HS6ST3: variants seen among roughly 807,000 people sequenced by gnomAD.
HS6ST3 encodes heparan sulfate 6-O-sulfotransferase 3, also known as heparan-sulfate 6-O-sulfotransferase 3.
In HS6ST3, 12 loss-of-function variants were observed where a neutral mutation model predicts 36.7. That is an observed-to-expected ratio of 0.33 (90% confidence interval 0.21 to 0.53). HS6ST3 has a LOEUF of 0.53. Ranked by LOEUF, HS6ST3 falls within the 20% of genes least tolerant of loss-of-function variation. HS6ST3 has a pLI of 0.95. For synonymous variants in HS6ST3, 240 were observed against 257.5 expected, an observed-to-expected ratio of 0.93 and a Z score of 0.65; for missense variants, 584 against 640.9, an observed-to-expected ratio of 0.91 and a Z score of 0.96.
Position 96,301,898 on chromosome 13 carries a change from TATAATAATA to T in HS6ST3, c.707+210368_707+210376del, listed in dbSNP as rs71113989. The stretch of plus-strand genomic sequence containing the variant: ...CCTGGAGACACAATGAGACTCCATC[TATAATAATA>T]ATAATAATAATAATAATAATAATAA... On this transcript the variant is annotated intron_variant, in intron 1 of 1. Coordinates refer to ENST00000376705, the MANE Select transcript of HS6ST3 (RefSeq NM_153456.4). Among the ~76,000 whole-genome samples the T allele has an allele frequency of 8.1e-3, 1,110 of 137,742 alleles. 4 individuals are homozygous for T. Among genetic ancestry groups the T allele is most frequent in the Middle Eastern group, 0.011 (3 of 272 alleles). The allele number at this position is 137,742 out of a possible 152,430, so 90.4% of individuals were successfully genotyped here.
intron 1 of HS6ST3, among the ~76,000 whole-genome samples, chr13:96,449,176 G>T (rs188040775): frequency 6.6e-6 from 1 of 152,146 alleles, no homozygotes; most frequent in East Asian, 1.9e-4. Context: ...TTCCCAGGCT[G>T]GTCTCAAACT....
chr13:96,360,185 G>T (rs1177040927), intron 1 of HS6ST3, among the ~76,000 whole-genome samples: 1 of 152,112 alleles, frequency 6.6e-6, no homozygotes, highest in Non-Finnish European at 1.5e-5. Context: ...TCCAACAGCA[G>T]CAGGGGACCT....
chr13:96,510,070 A>T (rs983189236), intron 1 of HS6ST3, among the ~76,000 whole-genome samples: 1 of 150,592 alleles, frequency 6.6e-6, no homozygotes, highest in African/African-American at 2.4e-5. Context: ...TCCTTAGTTA[A>T]GTATATTCCT....
At chr13:96,686,427 AATT>A (rs1332341544) in intron 1 of HS6ST3, among the ~76,000 whole-genome samples, 2 of 152,004 alleles carry the variant, frequency 1.3e-5, no homozygotes, top group Non-Finnish European at 2.9e-5. Context: ...AAGTGCCTTG[AATT>A]ATTATTTTCA....
chr13:96,151,492 A>G (rs2054084918), intron 1 of HS6ST3, among the ~76,000 whole-genome samples: 1 of 152,174 alleles, frequency 6.6e-6, no homozygotes, highest in African/African-American at 2.4e-5. Flanking sequence ...CATGAAGTCT[A>G]GATGGATATA....
chr13:96,408,928 AAAAAGAAAAG>A (rs376645436), intron 1 of HS6ST3, among the ~76,000 whole-genome samples: 8 of 152,258 alleles, frequency 5.3e-5, no homozygotes, highest in African/African-American at 1.4e-4. Flanking sequence ...CGTCTCAAAA[AAAAAGAAAAG>A]AAAAGAAAAG....
At chr13:96,391,180 T>C (rs1269172884) in intron 1 of HS6ST3, among the ~76,000 whole-genome samples, 1 of 152,200 alleles carries the variant, frequency 6.6e-6, no homozygotes, top group African/African-American at 2.4e-5. Context: ...GCTCGCTTGA[T>C]AGCATTGCAT....
intron 1 of HS6ST3, among the ~76,000 whole-genome samples, chr13:96,770,115 G>A (rs1387849955): frequency 6.6e-6 from 1 of 152,166 alleles, no homozygotes; most frequent in Non-Finnish European, 1.5e-5. Context: ...ATTAGGGACA[G>A]ATATTCTCAT....
intron 1 of HS6ST3, among the ~76,000 whole-genome samples, chr13:96,689,361 AT>A (rs1188901841): frequency 2.6e-5 from 4 of 151,960 alleles, no homozygotes; most frequent in African/African-American, 9.7e-5. Flanking sequence ...GGTCTTTTCT[AT>A]TTTCCATATC....
chr13:96,564,316 T>C lies in HS6ST3; in HGVS notation c.708-268174T>C, dbSNP rs186588397. ...ACATACTTGCAACTCTTTTGTCTTA[T>C]AAAATTACTTGACACTATTTTTTCC... On this transcript the variant is annotated intron_variant, in intron 1 of 1. Transcript: ENST00000376705. 2.0e-5 allele frequency among the ~76,000 whole-genome samples: 3 copies of C among 152,332 alleles called. No individual in the cohort carries two copies. In the East Asian group the frequency reaches 5.8e-4, roughly 29 times the overall value.
intron 1 of HS6ST3, among the ~76,000 whole-genome samples, chr13:96,442,381 GA>G (rs931496056): frequency 2.2e-4 from 33 of 150,554 alleles, no homozygotes; most frequent in Middle Eastern, 3.4e-3. Flanking sequence ...TTAACTAAGA[GA>G]AAAAAAAAGA....
At chr13:96,108,765 A>G (rs2053854219) in intron 1 of HS6ST3, among the ~76,000 whole-genome samples, 1 of 152,238 alleles carries the variant, frequency 6.6e-6, no homozygotes, top group African/African-American at 2.4e-5. Flanking sequence ...AATAAAAAAT[A>G]GGAAAGATAG....
At chr13:96,588,365 G>A (rs1253479335) in intron 1 of HS6ST3, among the ~76,000 whole-genome samples, 1 of 152,000 alleles carries the variant, frequency 6.6e-6, no homozygotes, top group African/African-American at 2.4e-5. Flanking sequence ...TTAGCTTTGG[G>A]TTTGTCATCT....
At chr13:96,550,085 G>A (rs1027186137) in intron 1 of HS6ST3, among the ~76,000 whole-genome samples, 1 of 152,150 alleles carries the variant, frequency 6.6e-6, no homozygotes, top group South Asian at 2.1e-4. Context: ...TCAATGGTGA[G>A]CATTATGGAT....
At chr13:96,645,381 G>A (rs114524788) in intron 1 of HS6ST3, among the ~76,000 whole-genome samples, 270 of 151,448 alleles carry the variant, frequency 1.8e-3, no homozygotes, top group African/African-American at 6.4e-3. Context: ...ATACATTAAG[G>A]CCCAGAGAGT....
intron 1 of HS6ST3, among the ~76,000 whole-genome samples, chr13:96,565,873 C>T (rs2056279227): frequency 6.6e-6 from 1 of 152,104 alleles, no homozygotes; most frequent in South Asian, 2.1e-4. Context: ...GATTATCAGA[C>T]ATCTGAGAAG....
intron 1 of HS6ST3, among the ~76,000 whole-genome samples, chr13:96,795,814 G>A (rs1877896483): frequency 6.6e-6 from 1 of 152,112 alleles, no homozygotes; most frequent in South Asian, 2.1e-4. Flanking sequence ...GCATCTGTCT[G>A]AATTCTCCTT....
At chr13:96,527,365 G>T (rs1448715440) in intron 1 of HS6ST3, among the ~76,000 whole-genome samples, 1 of 152,046 alleles carries the variant, frequency 6.6e-6, no homozygotes, top group Non-Finnish European at 1.5e-5. Flanking sequence ...TAATCTATTC[G>T]GATAATAAGT....
intron 1 of HS6ST3, among the ~76,000 whole-genome samples, chr13:96,574,918 G>A (rs899295929): frequency 6.6e-6 from 1 of 152,178 alleles, no homozygotes; most frequent in African/African-American, 2.4e-5. Flanking sequence ...GGTAGTCTGG[G>A]CAATGGAGAC....
Sources: allele counts gnomAD v4.1 joint callset (sites outside exome capture counted in the v4.1 genomes callset), GRCh38; gene constraint gnomAD v4.1.1; transcripts MANE v1.5; gene names NCBI Gene and HGNC (gene_info 2026-07-23, HGNC 2026-07-21).